CNTLN: variants seen among roughly 807,000 people sequenced by gnomAD.
The protein encoded by CNTLN is centlein, centrosomal protein.
A neutral mutation model predicts 180.0 loss-of-function variants in CNTLN; 212 were observed. That is an observed-to-expected ratio of 1.18 (90% CI 1.05 to 1.32). The LOEUF (loss-of-function observed/expected upper bound fraction) is 1.32, where lower values mean the gene tolerates loss of function less well. Among genes scored for constraint, CNTLN ranks in the 40% most tolerant of loss-of-function variants. CNTLN has a pLI of 0.00. For synonymous variants in CNTLN, 722 were observed against 563.1 expected (o/e 1.28, Z -3.99); for missense variants, 2,095 against 1,610.9 (o/e 1.30, Z -5.14).
intron 18 of CNTLN, chr9:17,447,758 A>G (rs1379033820): frequency 1.3e-5 from 2 of 154,168 alleles, no homozygotes; most frequent in African/African-American, 4.8e-5. Flanking sequence ...ATCGATGACC[A>G]TGGCATGTGA....
the CNTLN span, among the ~76,000 whole-genome samples, chr9:17,511,343 A>G: frequency 1.3e-5 from 2 of 152,230 alleles, no homozygotes; most frequent in Admixed American, 6.5e-5. Context: ...TCACTGCATA[A>G]TAAATTTCTC....
intron 1 of CNTLN, among the ~76,000 whole-genome samples, chr9:17,141,092 C>T (rs1240904853): frequency 2.0e-5 from 3 of 152,060 alleles, no homozygotes; most frequent in East Asian, 3.9e-4. Flanking sequence ...TTTAAGTTTC[C>T]AACAGCACTT....
chr9:17,485,631 A>C (rs531300915), intron 24 of CNTLN, among the ~76,000 whole-genome samples: 2 of 152,226 alleles, frequency 1.3e-5, no homozygotes, highest in East Asian at 3.9e-4. Context: ...ACCAAAATTT[A>C]AGGGTAAGGC....
At chr9:17,327,643 A>G (rs1232539345) in intron 8 of CNTLN, among the ~76,000 whole-genome samples, 3 of 152,136 alleles carry the variant, frequency 2.0e-5, no homozygotes, top group African/African-American at 4.8e-5. Context: ...TTGCAAAAAA[A>G]TAAATATTTC....
At chr9:17,324,322 C>G (rs1436827035) in intron 8 of CNTLN, among the ~76,000 whole-genome samples, 2 of 152,080 alleles carry the variant, frequency 1.3e-5, no homozygotes, top group East Asian at 3.8e-4. Context: ...TTTGCAAATT[C>G]TGGCAGAATG....
intron 23 of CNTLN, among the ~76,000 whole-genome samples, chr9:17,468,398 T>G (rs1831869163): frequency 6.8e-6 from 1 of 147,698 alleles, no homozygotes; most frequent in Middle Eastern, 3.4e-3. Flanking sequence ...AAATTAAAGT[T>G]ATATATATAT....
intron 23 of CNTLN, among the ~76,000 whole-genome samples, chr9:17,478,658 G>A (rs73416461): frequency 0.035 from 5,290 of 152,014 alleles, 247 homozygotes; most frequent in African/African-American, 0.1. Flanking sequence ...ATCTTGAGCT[G>A]ATTTTTGTCT....
the CNTLN span, among the ~76,000 whole-genome samples, chr9:17,519,285 T>C: frequency 6.6e-6 from 1 of 151,158 alleles, no homozygotes; most frequent in Non-Finnish European, 1.5e-5. Flanking sequence ...TATCCCTTCC[T>C]CACAAACACA....
At chr9:17,317,789 G>T (rs1025909559) in intron 8 of CNTLN, among the ~76,000 whole-genome samples, 2 of 152,286 alleles carry the variant, frequency 1.3e-5, no homozygotes, top group East Asian at 3.9e-4. Flanking sequence ...AGCTTGCCTA[G>T]TAAGGAGGCG....
the CNTLN span, among the ~76,000 whole-genome samples, chr9:17,526,714 C>A: frequency 6.6e-6 from 1 of 150,634 alleles, no homozygotes; most frequent in Non-Finnish European, 1.5e-5. Context: ...TCTCTAAGAG[C>A]TTTAAGAACA....
At chr9:17,470,342 A>G (rs557176485) in intron 23 of CNTLN, among the ~76,000 whole-genome samples, 21 of 152,076 alleles carry the variant, frequency 1.4e-4, no homozygotes, top group African/African-American at 4.6e-4. Context: ...ATGGAACATT[A>G]TGATCACCAG....
intron 7 of CNTLN, among the ~76,000 whole-genome samples, chr9:17,302,755 G>C (rs993625641): frequency 6.6e-6 from 1 of 152,080 alleles, no homozygotes; most frequent in African/African-American, 2.4e-5. Flanking sequence ...TTTAATGTTT[G>C]ACTTTGGGTG....
chr9:17,473,565 T>C (rs1178223757), intron 23 of CNTLN, among the ~76,000 whole-genome samples: 2 of 151,130 alleles, frequency 1.3e-5, no homozygotes, highest in Non-Finnish European at 2.9e-5. Flanking sequence ...ATTGGATCAC[T>C]TTCATTAGCA....
chr9:17,280,004 A>G (rs953161462), intron 6 of CNTLN, among the ~76,000 whole-genome samples: 2 of 152,168 alleles, frequency 1.3e-5, no homozygotes, highest in African/African-American at 4.8e-5. Context: ...AGGACTCTGC[A>G]TAGAGTCCCC....
chr9:17,357,612 T>A (rs1277841751), intron 12 of CNTLN, among the ~76,000 whole-genome samples: 1 of 88,588 alleles, frequency 1.1e-5, no homozygotes, highest in Non-Finnish European at 2.6e-5. Context: ...CATATATATA[T>A]AAATACTACA....
the CNTLN span, among the ~76,000 whole-genome samples, chr9:17,513,801 G>GA: frequency 2.0e-5 from 3 of 151,788 alleles, no homozygotes; most frequent in Non-Finnish European, 2.9e-5. Context: ...AAAAACAACT[G>GA]AAAAAAAGAT....
chr9:17,255,444 C>A (rs10962950), intron 5 of CNTLN, among the ~76,000 whole-genome samples: 72,067 of 151,416 alleles, frequency 0.48, 18,291 homozygotes, highest in African/African-American at 0.66. Context: ...GAGTGAAATG[C>A]TTGTATGATT....
At chr9:17,233,279 TATATG>T (rs1718870072) in intron 3 of CNTLN, among the ~76,000 whole-genome samples, 1 of 152,062 alleles carries the variant, frequency 6.6e-6, no homozygotes, top group Non-Finnish European at 1.5e-5. Context: ...TTAAGGTAAA[TATATG>T]AAAATGTTTA....
At chr9:17,273,929 C>T in intron 6 of CNTLN, 63 bp downstream of exon 6, 2 of 1,189,204 alleles carry the variant, frequency 1.7e-6, no homozygotes, top group Non-Finnish European at 1.2e-6. Context: ...AGAATGATAC[C>T]ATTTATACTT....
Sources: gnomAD v4.1 joint callset for allele counts (sites outside exome capture counted in the v4.1 genomes callset) on GRCh38, gnomAD v4.1.1 for gene constraint, MANE v1.5 for transcripts, NCBI Gene and HGNC (gene_info 2026-07-23, HGNC 2026-07-21) for gene names.